The following STAG1 variants were observed in gnomAD, a reference collection of about 807,000 sequenced individuals.
STAG1 encodes STAG1 cohesin complex component, also known as cohesin subunit SA-1.
STAG1 carries 26 observed loss-of-function variants against 170.9 expected under a neutral mutation model. The observed-to-expected ratio is 0.15, with a 90% CI of 0.11 to 0.21. STAG1 has a LOEUF of 0.21. STAG1 is among the 10% of genes least tolerant of loss of function. STAG1 has a pLI of 1.00. For missense variants in STAG1, 964 were observed against 1,509.5 expected (o/e 0.64, Z 5.99); for synonymous variants, 514 against 497.7 (o/e 1.03, Z -0.44).
chr3:136,340,418 G>A (rs771252422), intron 32 of STAG1, 73 bp downstream of exon 32: 43 of 990,752 alleles, frequency 4.3e-5, no homozygotes, highest in East Asian at 7.6e-5. Flanking sequence ...CACCATGCCC[G>A]GCCTAAGAGG....
chr3:136,371,037 T>G (rs887269220), intron 23 of STAG1, among the ~76,000 whole-genome samples: 6 of 152,216 alleles, frequency 3.9e-5, no homozygotes, highest in Non-Finnish European at 7.4e-5. Flanking sequence ...CCTGACTTTT[T>G]AATGATCGCC....
chr3:136,526,106 T>C (rs1014576214), intron 6 of STAG1, among the ~76,000 whole-genome samples: 1 of 152,216 alleles, frequency 6.6e-6, no homozygotes. Flanking sequence ...TAGATGTCTA[T>C]TAATTCTGCT....
intron 12 of STAG1, among the ~76,000 whole-genome samples, chr3:136,466,397 G>T (rs1002139224): frequency 5.9e-5 from 9 of 152,088 alleles, no homozygotes; most frequent in African/African-American, 9.7e-5. Context: ...GGAAGAAAGG[G>T]TATCAGTGAC....
intron 2 of STAG1, among the ~76,000 whole-genome samples, chr3:136,626,477 C>T (rs1225325995): frequency 6.6e-6 from 1 of 151,536 alleles, no homozygotes; most frequent in African/African-American, 2.4e-5. Context: ...ATATTTTAGG[C>T]TTATGGGTCT....
intron 22 of STAG1, among the ~76,000 whole-genome samples, chr3:136,386,305 CT>C (rs1411290557): frequency 6.6e-6 from 1 of 152,134 alleles, no homozygotes; most frequent in Non-Finnish European, 1.5e-5. Flanking sequence ...TGCCATTGCA[CT>C]CCAGCCTGGG....
intron 1 of STAG1, among the ~76,000 whole-genome samples, chr3:136,747,093 T>TAAAAAAAAAAAAA (rs71134408): frequency 1.7e-5 from 1 of 59,338 alleles, no homozygotes; most frequent in Non-Finnish European, 2.9e-5. Context: ...TGAAACTGTC[T>TAAAAAAAAAAAAA]AAAAAAAAAA....
At chr3:136,370,065 A>G (rs1338152964) in intron 23 of STAG1, among the ~76,000 whole-genome samples, 1 of 77,060 alleles carries the variant, frequency 1.3e-5, no homozygotes, top group Non-Finnish European at 2.7e-5. Context: ...ACTATACTAT[A>G]CTATACTATA....
chr3:136,619,025 A>C (rs1054834470), intron 3 of STAG1, among the ~76,000 whole-genome samples: 1 of 152,156 alleles, frequency 6.6e-6, no homozygotes, highest in Non-Finnish European at 1.5e-5. Flanking sequence ...TTACATGTGT[A>C]TATGTGTGTA....
intron 5 of STAG1, among the ~76,000 whole-genome samples, chr3:136,544,822 T>A (rs1936082797): frequency 1.3e-5 from 2 of 152,046 alleles, no homozygotes; most frequent in South Asian, 4.1e-4. Flanking sequence ...ATTACTGAAG[T>A]CTAAGTGTGA....
intron 1 of STAG1, among the ~76,000 whole-genome samples, chr3:136,668,301 T>C (rs1941865005): frequency 7.0e-6 from 1 of 143,872 alleles, no homozygotes; most frequent in Non-Finnish European, 1.5e-5. Context: ...ATATAATATA[T>C]ATTATACATG....
chr3:136,689,393 TTTTC>T (rs1413863838), intron 1 of STAG1, among the ~76,000 whole-genome samples: 1 of 152,196 alleles, frequency 6.6e-6, no homozygotes, highest in Non-Finnish European at 1.5e-5. Context: ...CTTGGCAGGT[TTTTC>T]TTTGTTTTAT....
intron 4 of STAG1, chr3:136,586,971 A>AATC (rs1267350603): frequency 2.2e-6 from 1 of 444,860 alleles, no homozygotes; most frequent in Admixed American, 2.5e-5. Flanking sequence ...TAGATTCCTG[A>AATC]ATCATCCTAT....
At chr3:136,448,463 C>T (rs762754256) in intron 14 of STAG1, among the ~76,000 whole-genome samples, 1 of 152,096 alleles carries the variant, frequency 6.6e-6, no homozygotes, top group Non-Finnish European at 1.5e-5. Context: ...AGGGGAAATC[C>T]CATTGATAAA....
In STAG1 at chr3:136,567,171, T is replaced by A. The variant is rs183154289; in HGVS notation, c.394+1594A>T. ...TGAAAATAAATTTCAAAAGGAAAAA[T>A]TTTAAACACTACTAATTGCTTTCAA... On this transcript the variant is annotated intron_variant, in intron 5 of 33. Coordinates refer to ENST00000383202, the MANE Select transcript of STAG1 (RefSeq NM_005862.3). Among the ~76,000 whole-genome samples the A allele has an allele frequency of 6.5e-3, 983 of 152,258 alleles. 12 individuals carry two copies. Among genetic ancestry groups the A allele is most frequent in the African/African-American group, 0.022 (935 of 41,562 alleles).
chr3:136,653,754 T>G (rs1941288967), intron 1 of STAG1, among the ~76,000 whole-genome samples: 1 of 152,162 alleles, frequency 6.6e-6, no homozygotes, highest in African/African-American at 2.4e-5. Flanking sequence ...CCAAAAAAGT[T>G]GTCAAACTGA....
intron 1 of STAG1, among the ~76,000 whole-genome samples, chr3:136,716,864 C>T (rs554957370): frequency 8.8e-4 from 134 of 152,298 alleles, no homozygotes; most frequent in African/African-American, 3.1e-3. Flanking sequence ...GTAAGACTTT[C>T]TGCAAATTAC....
chr3:136,647,381 C>T (rs750327765), intron 1 of STAG1, among the ~76,000 whole-genome samples: 1 of 152,146 alleles, frequency 6.6e-6, no homozygotes, highest in Admixed American at 6.5e-5. Context: ...ACCAGCCTGA[C>T]TAACATGGAG....
At chr3:136,446,225 T>C (rs1426058190) in intron 14 of STAG1, among the ~76,000 whole-genome samples, 2 of 152,158 alleles carry the variant, frequency 1.3e-5, no homozygotes, top group South Asian at 4.1e-4. Flanking sequence ...AGTTTTTAGG[T>C]TTAGCGCTCA....
chr3:136,586,471 A>G (rs1004075773), intron 4 of STAG1, among the ~76,000 whole-genome samples: 9 of 152,222 alleles, frequency 5.9e-5, no homozygotes, highest in Admixed American at 1.3e-4. Flanking sequence ...CAGAAAAATA[A>G]TAACATCAAT....
Sources: allele counts gnomAD v4.1 joint callset (sites outside exome capture counted in the v4.1 genomes callset), GRCh38; gene constraint gnomAD v4.1.1; transcripts MANE v1.5; gene names NCBI Gene and HGNC (gene_info 2026-07-23, HGNC 2026-07-21).